The following TDRD12 variants were observed in gnomAD, a reference collection of about 807,000 sequenced individuals.
TDRD12 encodes tudor domain containing 12, also known as putative ATP-dependent RNA helicase TDRD12.
A neutral mutation model predicts 133.5 loss-of-function variants in TDRD12; 158 were observed. That is an observed-to-expected ratio of 1.18 (90% CI 1.04 to 1.35). The LOEUF (loss-of-function observed/expected upper bound fraction) is 1.35. Among genes scored for constraint, TDRD12 ranks in the 40% most tolerant of loss-of-function variants. The probability of loss-of-function intolerance (pLI) is 0.00; values close to 1 mark genes in which losing one functional copy is unlikely to be tolerated. For missense variants in TDRD12, 1,443 were observed against 1,321.3 expected (o/e 1.09, Z -1.43); for synonymous variants, 460 against 477.9 (o/e 0.96, Z 0.49).
chr19:32,796,502 T>G (rs773916891), intron 14 of TDRD12, among the ~76,000 whole-genome samples: 2 of 151,966 alleles, frequency 1.3e-5, no homozygotes, highest in Non-Finnish European at 2.9e-5. Context: ...GGAGAATCGC[T>G]TGAACCTGGG....
exon 28 of TDRD12, chr19:32,821,163 T>C (rs1967374074): frequency 6.6e-7 from 1 of 1,516,882 alleles, no homozygotes; most frequent in Non-Finnish European, 8.8e-7. Flanking sequence ...ATTCAAAAGA[T>C]GGTTAAGTTC....
intron 19 of TDRD12, 79 bp from the exon 20 acceptor site, chr19:32,802,577 G>C: frequency 6.8e-7 from 1 of 1,466,084 alleles, no homozygotes; most frequent in South Asian, 1.3e-5. Flanking sequence ...ATGCACTGCA[G>C]TGTGGCCGTG....
At chr19:32,822,155 C>T (rs1438104906), downstream of TDRD12, among the ~76,000 whole-genome samples, 1 of 152,074 alleles carries the variant, frequency 6.6e-6, no homozygotes, top group African/African-American at 2.4e-5. Context: ...ACTGGTTGGG[C>T]ACGGTGGCTC....
intron 13 of TDRD12, among the ~76,000 whole-genome samples, chr19:32,792,339 A>G (rs1157581204): frequency 6.6e-6 from 1 of 152,304 alleles, no homozygotes; most frequent in East Asian, 1.9e-4. Context: ...GAGAGAATAA[A>G]TATCCCCGGA....
chr19:32,811,811 A>G (rs1266276309), intron 24 of TDRD12, among the ~76,000 whole-genome samples: 1 of 152,184 alleles, frequency 6.6e-6, no homozygotes. Context: ...TGAGGCTGCA[A>G]TGATCTATGA....
chr19:32,811,268 G>A (rs1966994968), exon 24 of TDRD12: 1 of 1,536,136 alleles, frequency 6.5e-7, no homozygotes, highest in Non-Finnish European at 8.7e-7. Flanking sequence ...TGACATCCTT[G>A]TAGAGTTCAT....
At chr19:32,815,596 G>A in exon 26 of TDRD12, 1 of 1,536,048 alleles carries the variant, frequency 6.5e-7, no homozygotes, top group Non-Finnish European at 8.7e-7. Context: ...ATACCAGCTT[G>A]TGAAGAAAGC....
At chr19:32,777,289 C>T (rs2145614876) in intron 11 of TDRD12, 60 bp downstream of exon 11, 1 of 1,042,048 alleles carries the variant, frequency 9.6e-7, no homozygotes. Context: ...AAATTATAAA[C>T]AAGAGAAATC....
At chr19:32,800,659 C>G (rs1040741095) in exon 18 of TDRD12, 1 of 1,535,116 alleles carries the variant, frequency 6.5e-7, no homozygotes, top group East Asian at 2.4e-5. Flanking sequence ...ACATCTTTGC[C>G]TAGAATGTGA....
At chr19:32,770,636 C>G (rs934782063) in intron 8 of TDRD12, among the ~76,000 whole-genome samples, 1 of 152,084 alleles carries the variant, frequency 6.6e-6, no homozygotes, top group African/African-American at 2.4e-5. Context: ...AGTGGAATTG[C>G]TTGGGTTCGA....
chr19:32,721,313 G>GA (rs1371965900), intron 1 of TDRD12, among the ~76,000 whole-genome samples: 1 of 152,196 alleles, frequency 6.6e-6, no homozygotes, highest in Non-Finnish European at 1.5e-5. Context: ...TAAATACTTT[G>GA]AAAATCACAC....
downstream of TDRD12, among the ~76,000 whole-genome samples, chr19:32,823,330 G>C (rs1967468799): frequency 6.6e-6 from 1 of 152,128 alleles, no homozygotes; most frequent in Admixed American, 6.5e-5. Context: ...GGTATGTTCT[G>C]GAAGTTGTTT....
Position 32,724,393 on chromosome 19 carries a change from T to C in TDRD12, c.24+4297T>C, listed in dbSNP as rs142913605. Among the ~76,000 whole-genome samples the C allele has an allele frequency of 4.6e-3, 698 of 152,178 alleles. 13 individuals carry two copies. The highest frequency in any genetic ancestry group is 0.042 in the Admixed American group (641 of 15,246). ...GATACTCTCCCTCCCCTCTGTCCCA[T>C]AGGCCCCAGTGTGTGGTTCCCCTCC... On this transcript the variant is annotated intron_variant, in intron 1 of 27. Transcript: ENST00000444215.
At chr19:32,808,957 T>G (rs1966906127) in intron 22 of TDRD12, among the ~76,000 whole-genome samples, 1 of 152,038 alleles carries the variant, frequency 6.6e-6, no homozygotes, top group South Asian at 2.1e-4. Flanking sequence ...TTATATATTA[T>G]TATACATTTT....
exon 10 of TDRD12, chr19:32,828,388 T>TG (rs34512682): frequency 0.053 from 7,988 of 151,846 alleles, 353 homozygotes; most frequent in East Asian, 0.23. Context: ...GCTGCAGCAC[T>TG]GGGGGGGGTC....
At chr19:32,730,332 G>T (rs963316231) in intron 1 of TDRD12, among the ~76,000 whole-genome samples, 1 of 152,154 alleles carries the variant, frequency 6.6e-6, no homozygotes, top group Non-Finnish European at 1.5e-5. Context: ...TTAACACCAC[G>T]TGGACTGGGG....
At position 32,800,706 on chromosome 19, in the gene TDRD12, T is replaced by C. The variant is rs933438507; in HGVS notation, c.2013T>C (p.Ile671=). The C allele has an allele frequency of 2.6e-6, 4 of 1,535,764 alleles. No individual in the cohort carries two copies. In the African/African-American group the frequency reaches 5.5e-5, roughly 21 times the overall value. ...CTTTACTCCAAGCTCTTGATTTTAT[T>C]CCAAGTCAGGCACAAAAGACCTTGA... is the stretch of plus-strand genomic sequence containing the variant. The change falls in exon 18 of 28, where the codon ATT becomes ATC. Residue 671 remains isoleucine, a synonymous_variant. Transcript: ENST00000444215.
At chr19:32,803,709 C>CT (rs1212895798) in intron 21 of TDRD12, among the ~76,000 whole-genome samples, 5 of 152,226 alleles carry the variant, frequency 3.3e-5, no homozygotes, top group African/African-American at 1.2e-4. Flanking sequence ...TCAGTACTGT[C>CT]TGACAGAGCC....
At chr19:32,827,183 G>C (rs1048452538) in exon 10 of TDRD12, 3 of 1,231,666 alleles carry the variant, frequency 2.4e-6, no homozygotes, top group Admixed American at 4.2e-5. Context: ...CTAAAAACCT[G>C]CCGTACACAG....
Sources: gnomAD v4.1 joint callset for allele counts (sites outside exome capture counted in the v4.1 genomes callset) on GRCh38, gnomAD v4.1.1 for gene constraint, MANE v1.5 for transcripts, NCBI Gene and HGNC (gene_info 2026-07-23, HGNC 2026-07-21) for gene names.